The following C4orf36 variants were observed in gnomAD, a reference collection of about 807,000 sequenced individuals.
C4orf36 encodes the protein chromosome 4 open reading frame 36.
C4orf36 carries 11 observed loss-of-function variants against 12.2 expected under a neutral mutation model. The ratio of observed to expected loss-of-function variants is 0.90; its 90% CI spans 0.57 to 1.49. The LOEUF is 1.49. C4orf36 is among the 40% of genes most tolerant of loss of function. The pLI, the probability that C4orf36 is intolerant of heterozygous loss-of-function variation, is 0.00. For missense variants in C4orf36, 137 were observed against 133.9 expected, an observed-to-expected ratio of 1.02 and a Z score of -0.11; for synonymous variants, 54 against 51.3, an observed-to-expected ratio of 1.05 and a Z score of -0.22.
At chr4:86,884,973 T>C (rs1747140358) in intron 4 of C4orf36, among the ~76,000 whole-genome samples, 1 of 152,214 alleles carries the variant, frequency 6.6e-6, no homozygotes, top group Non-Finnish European at 1.5e-5. Context: ...CTTTCCCCAT[T>C]GTTCGTTTTT....
chr4:86,917,567 G>A, the C4orf36 span, among the ~76,000 whole-genome samples: 1 of 150,712 alleles, frequency 6.6e-6, no homozygotes, highest in African/African-American at 2.4e-5. Context: ...GAGAGAGTGA[G>A]GGAGGGAGGA....
chr4:86,884,879 G>A (rs948177597), intron 4 of C4orf36, among the ~76,000 whole-genome samples: 3 of 152,142 alleles, frequency 2.0e-5, no homozygotes, highest in Non-Finnish European at 2.9e-5. Flanking sequence ...TAATTTTTGT[G>A]TAAGGTGTAA....
chr4:86,903,872 T>C, the C4orf36 span, among the ~76,000 whole-genome samples: 1 of 152,132 alleles, frequency 6.6e-6, no homozygotes, highest in Non-Finnish European at 1.5e-5. Flanking sequence ...ATTACTTAGC[T>C]AGACACAAAA....
At chr4:86,908,046 TG>T in the C4orf36 span, among the ~76,000 whole-genome samples, 6 of 152,136 alleles carry the variant, frequency 3.9e-5, no homozygotes, top group Admixed American at 1.3e-4. Context: ...ACAACACATT[TG>T]CTCCCTACTC....
At chr4:86,917,330 T>TGAAGGAAGGAAG in the C4orf36 span, among the ~76,000 whole-genome samples, 2 of 132,188 alleles carry the variant, frequency 1.5e-5, no homozygotes, top group Non-Finnish European at 3.1e-5. Context: ...GAGAGAGAGA[T>TGAAGGAAGGAAG]GAAGGAAGGA....
At chr4:86,925,841 T>C in the C4orf36 span, 1 of 151,808 alleles carries the variant, frequency 6.6e-6, no homozygotes, top group Non-Finnish European at 1.5e-5. Flanking sequence ...AGAAATTTAA[T>C]GTTATTTCTT....
chr4:86,917,122 A>G, the C4orf36 span, among the ~76,000 whole-genome samples: 2 of 152,178 alleles, frequency 1.3e-5, no homozygotes, highest in Non-Finnish European at 2.9e-5. Flanking sequence ...TACAAAAAAA[A>G]TAACAAAATT....
the C4orf36 span, among the ~76,000 whole-genome samples, chr4:86,902,439 A>AAAAAAG: frequency 1.1e-4 from 15 of 141,020 alleles, no homozygotes; most frequent in African/African-American, 3.7e-4. Flanking sequence ...AAAAAAAAAA[A>AAAAAAG]AAAGAAAGAA....
intron 4 of C4orf36, among the ~76,000 whole-genome samples, chr4:86,882,523 G>A (rs951268711): frequency 1.3e-5 from 2 of 152,108 alleles, no homozygotes; most frequent in African/African-American, 2.4e-5. Context: ...CATAACAACA[G>A]GAGCTATCAC....
chr4:86,903,441 A>G, the C4orf36 span, among the ~76,000 whole-genome samples: 1 of 152,212 alleles, frequency 6.6e-6, no homozygotes, highest in South Asian at 2.1e-4. Flanking sequence ...GAATGAAGCC[A>G]CAGACCCTTA....
chr4:86,901,559 C>T, the C4orf36 span, among the ~76,000 whole-genome samples: 1 of 151,168 alleles, frequency 6.6e-6, no homozygotes, highest in Non-Finnish European at 1.5e-5. Flanking sequence ...AGGCACCCGC[C>T]ACCGCACCCG....
the C4orf36 span, among the ~76,000 whole-genome samples, chr4:86,903,003 G>A: frequency 3.9e-5 from 6 of 152,168 alleles, no homozygotes; most frequent in African/African-American, 1.2e-4. Flanking sequence ...GAAGGTACAT[G>A]GTGGCTTCTG....
At chr4:86,898,907 T>C in the C4orf36 span, among the ~76,000 whole-genome samples, 20,669 of 152,130 alleles carry the variant, frequency 0.14, 1,936 homozygotes, top group Middle Eastern at 0.2. Flanking sequence ...AGTGCTCTGA[T>C]AGAAAGTCTA....
At chr4:86,905,408 C>A in the C4orf36 span, among the ~76,000 whole-genome samples, 52 of 149,110 alleles carry the variant, frequency 3.5e-4, no homozygotes, top group African/African-American at 1.2e-3. Context: ...ATAAAATAGC[C>A]AGATGTGGCA....
the C4orf36 span, chr4:86,926,328 T>C: frequency 6.6e-6 from 1 of 152,294 alleles, no homozygotes; most frequent in Non-Finnish European, 1.5e-5. Flanking sequence ...ACTTGGAACC[T>C]GCAAACAAGA....
At chr4:86,917,922 A>C in the C4orf36 span, among the ~76,000 whole-genome samples, 1 of 152,228 alleles carries the variant, frequency 6.6e-6, no homozygotes, top group Non-Finnish European at 1.5e-5. Context: ...CACTATCAGT[A>C]GGTATAGGAA....
the C4orf36 span, among the ~76,000 whole-genome samples, chr4:86,921,799 C>A: frequency 2.0e-5 from 3 of 152,178 alleles, no homozygotes; most frequent in African/African-American, 7.2e-5. Context: ...TCCTCCCAAA[C>A]TGAAATCCTG....
chr4:86,876,351 A>ACGGC lies in C4orf36; in HGVS notation c.*91_*94dup. ...GGGCCAGGATGGCTGCAGCGCAGCG[A>ACGGC]CGGCCGGGGCCGGGAGCGGGTCCTG... On this transcript the variant is annotated 3_prime_UTR_variant, in exon 5 of 5. Coordinates refer to ENST00000295898, the MANE Select transcript of C4orf36 (RefSeq NM_144645.4). The ACGGC allele has an allele frequency of 6.4e-7, 1 of 1,562,516 alleles. No homozygotes were observed.
intron 4 of C4orf36, among the ~76,000 whole-genome samples, chr4:86,881,286 T>C (rs964714935): frequency 1.3e-5 from 2 of 152,234 alleles, no homozygotes; most frequent in Admixed American, 1.3e-4. Flanking sequence ...TGAATTGTTA[T>C]CAGTTTTAAT....
Sources: allele counts gnomAD v4.1 joint callset (sites outside exome capture counted in the v4.1 genomes callset), GRCh38; gene constraint gnomAD v4.1.1; transcripts MANE v1.5; gene names NCBI Gene and HGNC (gene_info 2026-07-23, HGNC 2026-07-21).